The following ASMT variants were observed in gnomAD, a reference collection of about 807,000 sequenced individuals.
ASMT encodes the protein acetylserotonin N-methyltransferase.
A neutral mutation model predicts 41.3 loss-of-function variants in ASMT; 53 were observed. The ratio of observed to expected loss-of-function variants is 1.28; its 90% CI spans 1.03 to 1.61. The LOEUF (loss-of-function observed/expected upper bound fraction) is 1.61. Among genes scored for constraint, ASMT ranks in the 40% most tolerant of loss-of-function variants. The pLI, the probability that ASMT is intolerant of heterozygous loss-of-function variation, is 0.00. For missense variants in ASMT, 531 were observed against 441.3 expected (o/e 1.20, Z -1.82); for synonymous variants, 231 against 184.8 (o/e 1.25, Z -2.03).
At chrX:1,619,950 G>T (rs766716963) in intron 1 of ASMT, among the ~76,000 whole-genome samples, 3 of 150,978 alleles carry the variant, frequency 2.0e-5, no homozygotes, top group Admixed American at 6.6e-5. Flanking sequence ...AAAATTAGCC[G>T]GGCGTGGTGG....
At chrX:1,617,122 A>C (rs1934163330) in intron 1 of ASMT, among the ~76,000 whole-genome samples, 1 of 151,582 alleles carries the variant, frequency 6.6e-6, no homozygotes, top group Non-Finnish European at 1.5e-5. Flanking sequence ...GCAGTGAGCT[A>C]TGATTGCACC....
At chrX:1,641,464 CT>C (rs1569387592) in intron 8 of ASMT, among the ~76,000 whole-genome samples, 2 of 132,736 alleles carry the variant, frequency 1.5e-5, no homozygotes, top group African/African-American at 6.1e-5. Context: ...AGTGTCCCAG[CT>C]CTCCTGTGAG....
rs147563530 is a variant in ASMT, at chrX:1,623,183, C to G, written c.114C>G (p.Ala38=). The change falls in exon 2 of 9, where the codon GCC becomes GCG. Residue 38 remains alanine (A), a synonymous_variant. Coordinates refer to ENST00000381241, the MANE Select transcript of ASMT (RefSeq NM_001171038.2). Reference sequence around the variant, plus strand: ...AGCTGGGCGTGTTTGACCTTCTCGCCGAGGCCCCAGGGCCCCTGGACGTGG... The same window carrying G: ...AGCTGGGCGTGTTTGACCTTCTCGCGGAGGCCCCAGGGCCCCTGGACGTGG... The part of the protein sequence containing the change: ...ACELGVFDLL[A]EAPGPLDVAA... 1.2e-6 allele frequency: 2 copies of G among 1,613,184 alleles called. No homozygotes were observed. Among genetic ancestry groups the G allele is most frequent in the Admixed American group, 1.7e-5 (1 of 59,984 alleles).
intron 7 of ASMT, among the ~76,000 whole-genome samples, chrX:1,634,988 T>C (rs1338894740): frequency 7.4e-6 from 1 of 134,826 alleles, no homozygotes; most frequent in East Asian, 2.3e-4. Context: ...TTTTTTTTTT[T>C]TTTTGAGATG....
chrX:1,617,859 C>T (rs1934196602), intron 1 of ASMT, among the ~76,000 whole-genome samples: 6 of 152,094 alleles, frequency 3.9e-5, no homozygotes, highest in Non-Finnish European at 1.5e-5. Flanking sequence ...AGGTGATCCT[C>T]CTGGCCCCCA....
chrX:1,636,559 A>G lies in ASMT; in HGVS notation c.909A>G (p.Pro303=). 1 of 1,609,358 alleles carries G rather than the reference A, an allele frequency of 6.2e-7. No homozygotes were observed. Among genetic ancestry groups the G allele is most frequent in the South Asian group, 1.1e-5 (1 of 90,792 alleles). The part of the protein sequence containing the change: ...LLERIYHTCK[P]GGGILVIESL... ...AGAGGATCTACCACACTTGCAAGCC[A>G]GGTAAGTTGTGGGGTTTGCATTTCA... Residue 303 remains proline, a splice_region_variant and synonymous_variant, in exon 8 of 9, where the codon CCA becomes CCG. Transcript: ENST00000381241.
intron 3 of ASMT, among the ~76,000 whole-genome samples, chrX:1,624,958 T>G (rs1306657501): frequency 6.7e-6 from 1 of 149,960 alleles, no homozygotes; most frequent in African/African-American, 2.5e-5. Flanking sequence ...TGCTGGGAGG[T>G]GGGGGCTGAC....
chrX:1,625,308 G>A lies in ASMT; in HGVS notation c.374+910G>A, dbSNP rs1462804587. 5.9e-5 allele frequency among the ~76,000 whole-genome samples: 9 copies of A among 151,514 alleles called. No homozygotes were observed. The East Asian group carries it at 1.8e-3, about 30-fold the overall frequency. On this transcript the variant is annotated intron_variant, in intron 3 of 8. Coordinates refer to ENST00000381241, the MANE Select transcript of ASMT (RefSeq NM_001171038.2). ...TTTGGTAGAGACGGGGTTTCACCAT[G>A]TTAGCCAGGATGGTCTCCATCTCCT...
At chrX:1,634,414 A>G (rs28827247) in intron 7 of ASMT, among the ~76,000 whole-genome samples, 39,683 of 151,978 alleles carry the variant, frequency 0.26, 5,339 homozygotes, top group Middle Eastern at 0.33. Flanking sequence ...GAGACTGGTT[A>G]CATAGACATG....
Position 1,618,575 on chromosome X carries a change from C to T in ASMT, c.69+3307C>T, listed in dbSNP as rs189766131. ...TCAGCCTCCCAAAGTGCTAGGATGA[C>T]GGGCGTGAGCCACTGACATCCAGCT... On this transcript the variant is annotated intron_variant, in intron 1 of 8. Coordinates refer to ENST00000381241, the MANE Select transcript of ASMT (RefSeq NM_001171038.2). Among the ~76,000 whole-genome samples, 47 of 147,220 alleles carry T rather than the reference C, an allele frequency of 3.2e-4. 1 individual carries two copies. The highest frequency in any genetic ancestry group is 1.8e-3 in the Admixed American group (26 of 14,474).
intron 4 of ASMT, 39 bp from the exon 5 acceptor site, chrX:1,629,782 G>A: frequency 6.3e-7 from 1 of 1,598,284 alleles, no homozygotes; most frequent in East Asian, 2.2e-5. Context: ...CACGTCCCCA[G>A]ATCCTCACCA....
intron 5 of ASMT, among the ~76,000 whole-genome samples, chrX:1,632,499 A>T (rs746963567): frequency 6.6e-6 from 1 of 151,984 alleles, no homozygotes; most frequent in South Asian, 2.1e-4. Flanking sequence ...AAAATACAAT[A>T]AAAAAATTAG....
In ASMT at chrX:1,624,323, C is replaced by G; in HGVS notation, c.299C>G (p.Thr100Arg). ...SSDYLTTVSP[T>R]SQCSMLKYMG... Reference sequence around the variant, plus strand: ...GACTACCTGACCACGGTCAGCCCGACGTCACAATGCAGCATGCTGAAGTAC... The same window carrying G: ...GACTACCTGACCACGGTCAGCCCGAGGTCACAATGCAGCATGCTGAAGTAC... The change falls in exon 3 of 9, where the codon ACG becomes AGG. Residue 100 changes from threonine to arginine, a missense_variant. Thr to Arg is a moderately conservative substitution (Grantham distance 71, BLOSUM62 -1). Transcript: ENST00000381241. The G allele has an allele frequency of 1.2e-6, 2 of 1,613,962 alleles. No individual in the cohort carries two copies. Among genetic ancestry groups the G allele is most frequent in the African/African-American group, 1.3e-5 (1 of 75,058 alleles).
rs754316645 is a variant in ASMT, at chrX:1,626,931, A to C, written c.375-772A>C. Reference sequence around the variant, plus strand: ...GTCATCCCAGCTACTCGGGAGGTTGAGGCAGGAGAATCGCTTGAACCGAGG... The same window carrying C: ...GTCATCCCAGCTACTCGGGAGGTTGCGGCAGGAGAATCGCTTGAACCGAGG... On this transcript the variant is annotated intron_variant, in intron 3 of 8. Coordinates refer to ENST00000381241, the MANE Select transcript of ASMT (RefSeq NM_001171038.2). Among the ~76,000 whole-genome samples the C allele has an allele frequency of 3.3e-5, 5 of 151,830 alleles. No homozygotes were observed. In the East Asian group the frequency reaches 9.7e-4, roughly 29 times the overall value.
intron 7 of ASMT, 70 bp from the exon 8 acceptor site, chrX:1,636,368 G>A (rs1402972626): frequency 4.3e-6 from 7 of 1,612,730 alleles, no homozygotes; most frequent in Non-Finnish European, 5.9e-6. Flanking sequence ...GACCTTTTGT[G>A]CCCAGAATAG....
In ASMT at chrX:1,629,929, T is replaced by G; in HGVS notation, c.552T>G (p.Cys184Trp). ...AFDLSVFPLM[C>W]DLGGTWIKLE... ...ACCTGTCAGTGTTCCCACTTATGTGTGACCTTGGTGGTAAGTACCCCTCAC... is the reference window on the plus strand; with the variant it reads ...ACCTGTCAGTGTTCCCACTTATGTGGGACCTTGGTGGTAAGTACCCCTCAC... Residue 184 changes from cysteine to tryptophan, a missense_variant, in exon 5 of 9, where the codon TGT (cysteine) becomes TGG (tryptophan). Transcript: ENST00000381241. 1 of 1,613,732 alleles carries G rather than the reference T, an allele frequency of 6.2e-7. No individual in the cohort carries two copies. The highest frequency in any genetic ancestry group is 8.5e-7 in the Non-Finnish European group (1 of 1,179,642).
intron 4 of ASMT, among the ~76,000 whole-genome samples, chrX:1,629,080 CT>C (rs1313547288): frequency 3.1e-5 from 3 of 96,090 alleles, no homozygotes; most frequent in Non-Finnish European, 6.7e-5. Context: ...TCTTTCCTTT[CT>C]TTATATATAT....
intron 1 of ASMT, among the ~76,000 whole-genome samples, chrX:1,619,019 A>G (rs1321154449): frequency 6.6e-6 from 1 of 152,194 alleles, no homozygotes; most frequent in African/African-American, 2.4e-5. Context: ...AGAGGATCAA[A>G]CTTAGTACAC....
chrX:1,629,020 TTCCTTCCC>T (rs1181608398), intron 4 of ASMT, among the ~76,000 whole-genome samples: 4 of 150,972 alleles, frequency 2.6e-5, no homozygotes, highest in Non-Finnish European at 5.9e-5. Flanking sequence ...CCTGCCTTCC[TTCCTTCCC>T]TCCCTCCCTC....
Sources: allele counts gnomAD v4.1 joint callset (sites outside exome capture counted in the v4.1 genomes callset), GRCh38; gene constraint gnomAD v4.1.1; transcripts MANE v1.5; gene names NCBI Gene and HGNC (gene_info 2026-07-23, HGNC 2026-07-21).